Variants in AP3B1 observed in about 807,000 individuals in gnomAD.
The protein encoded by AP3B1 is AP-3 complex subunit beta-1.
AP3B1 carries 61 observed loss-of-function variants against 132.5 expected under a neutral mutation model. That is an observed-to-expected ratio of 0.46 (90% CI 0.37 to 0.57). The LOEUF (loss-of-function observed/expected upper bound fraction) is 0.57, where lower values mean the gene tolerates loss of function less well. AP3B1 is among the 20% of genes least tolerant of loss of function. The pLI, the probability that AP3B1 is intolerant of heterozygous loss-of-function variation, is 0.00. For synonymous variants in AP3B1, 388 were observed against 438.3 expected (o/e 0.89, Z 1.43); for missense variants, 1,120 against 1,289.4 (o/e 0.87, Z 2.01).
chr5:78,003,539 T>C (rs1382673943), intron 26 of AP3B1: 7 of 483,576 alleles, frequency 1.4e-5, no homozygotes, highest in Non-Finnish European at 1.9e-5. Context: ...ACGTACATTA[T>C]AAAATTCTTA....
chr5:78,072,791 C>T (rs969757405), intron 22 of AP3B1, among the ~76,000 whole-genome samples: 14 of 138,384 alleles, frequency 1.0e-4, no homozygotes, highest in East Asian at 4.5e-4. Context: ...GTGCAATCTC[C>T]GCTCATTGCA....
At chr5:78,176,296 G>A (rs2112403056) in intron 9 of AP3B1, among the ~76,000 whole-genome samples, 1 of 151,316 alleles carries the variant, frequency 6.6e-6, no homozygotes, top group African/African-American at 2.4e-5. Flanking sequence ...GGCTTCATGT[G>A]AAAGACCAAT....
chr5:78,259,209 C>A (rs1376660483), intron 2 of AP3B1, among the ~76,000 whole-genome samples: 1 of 150,358 alleles, frequency 6.7e-6, no homozygotes, highest in Admixed American at 6.7e-5. Flanking sequence ...GATCGTGCCA[C>A]TGCACTCCAG....
At chr5:78,143,599 T>C (rs1158151974) in intron 14 of AP3B1, among the ~76,000 whole-genome samples, 1 of 152,152 alleles carries the variant, frequency 6.6e-6, no homozygotes, top group Non-Finnish European at 1.5e-5. Context: ...GATTCCAGCT[T>C]TCCCTTTCTC....
chr5:78,139,018 C>T lies in AP3B1; in HGVS notation c.1650+2125G>A, dbSNP rs1470303202. Among the ~76,000 whole-genome samples the T allele has an allele frequency of 3.6e-5, 5 of 140,388 alleles. No homozygotes were observed. The East Asian group carries it at 1.0e-3, about 28-fold the overall frequency. The allele number at this position is 140,388 out of a possible 152,430, so 92.1% of individuals were successfully genotyped here. On this transcript the variant is annotated intron_variant, in intron 15 of 26. Transcript: ENST00000255194. ...CTTCAGAAACTGAGCTCCAAAACTG[C>T]CATTAATAATAGAGATCAAGAAAAA...
chr5:78,191,508 C>T (rs564568913), intron 7 of AP3B1, among the ~76,000 whole-genome samples: 2 of 152,090 alleles, frequency 1.3e-5, no homozygotes, highest in African/African-American at 4.8e-5. Context: ...GCTAACTCTC[C>T]TAGTCTTTGG....
chr5:78,196,660 C>T (rs1029774890), intron 7 of AP3B1, among the ~76,000 whole-genome samples: 11 of 152,080 alleles, frequency 7.2e-5, no homozygotes, highest in African/African-American at 2.7e-4. Context: ...GTGGTATATC[C>T]AGACAAAGGA....
intron 3 of AP3B1, among the ~76,000 whole-genome samples, chr5:78,231,162 GTTTT>G (rs924365215): frequency 1.3e-5 from 2 of 152,006 alleles, no homozygotes; most frequent in East Asian, 1.9e-4. Flanking sequence ...CTTGAAAAAG[GTTTT>G]TTGTTTGTTT....
intron 22 of AP3B1, among the ~76,000 whole-genome samples, chr5:78,080,623 A>ATTTTTT (rs66609184): frequency 9.7e-6 from 1 of 103,548 alleles, no homozygotes; most frequent in Non-Finnish European, 1.9e-5. Context: ...TATGCCTCCA[A>ATTTTTT]TTTTTTTTTT....
At chr5:78,109,528 G>A (rs1306837317) in intron 20 of AP3B1, among the ~76,000 whole-genome samples, 1 of 152,022 alleles carries the variant, frequency 6.6e-6, no homozygotes, top group East Asian at 1.9e-4. Context: ...GCATGAACAT[G>A]GTCCAGTTAT....
chr5:78,087,595 T>C, intron 22 of AP3B1: 1 of 985,422 alleles, frequency 1.0e-6, no homozygotes, highest in Non-Finnish European at 1.2e-6. Flanking sequence ...GTGAGTGTTG[T>C]GGTCCTGCTT....
chr5:78,048,605 C>T (rs752330050), intron 22 of AP3B1, among the ~76,000 whole-genome samples: 79 of 152,188 alleles, frequency 5.2e-4, no homozygotes, highest in Non-Finnish European at 1.5e-4. Context: ...TCTGTGGCCA[C>T]ATTTCCTGCC....
intron 17 of AP3B1, among the ~76,000 whole-genome samples, chr5:78,119,575 G>A (rs1364062863): frequency 1.3e-5 from 2 of 152,218 alleles, no homozygotes; most frequent in Non-Finnish European, 2.9e-5. Context: ...CGATCAACTG[G>A]AAGAAAGGGT....
intron 17 of AP3B1, among the ~76,000 whole-genome samples, chr5:78,117,024 G>A (rs1314433887): frequency 3.9e-5 from 6 of 151,908 alleles, no homozygotes; most frequent in Non-Finnish European, 7.4e-5. Context: ...AACTGTCCCC[G>A]TCGCCTGCCT....
intron 12 of AP3B1, among the ~76,000 whole-genome samples, chr5:78,163,638 TAC>T (rs755926785): frequency 2.7e-5 from 4 of 146,040 alleles, no homozygotes; most frequent in Non-Finnish European, 6.0e-5. Flanking sequence ...ATATATAGTA[TAC>T]ATATATATAT....
chr5:78,280,686 C>A (rs978128692), intron 1 of AP3B1, among the ~76,000 whole-genome samples: 3 of 92,272 alleles, frequency 3.3e-5, no homozygotes, highest in Admixed American at 9.8e-5. Context: ...TTTAAAAAAA[C>A]AACAACAACA....
intron 2 of AP3B1, among the ~76,000 whole-genome samples, chr5:78,259,663 T>C (rs1747998557): frequency 6.6e-6 from 1 of 152,024 alleles, no homozygotes; most frequent in Non-Finnish European, 1.5e-5. Flanking sequence ...ATGTGCCCAC[T>C]AAAATTAAAA....
intron 17 of AP3B1, among the ~76,000 whole-genome samples, chr5:78,120,038 A>G (rs1199943653): frequency 6.6e-6 from 1 of 152,182 alleles, no homozygotes; most frequent in Non-Finnish European, 1.5e-5. Context: ...CCAATATTCC[A>G]CATGCTTAAA....
intron 3 of AP3B1, among the ~76,000 whole-genome samples, chr5:78,237,689 T>A (rs1400596561): frequency 6.6e-6 from 1 of 152,088 alleles, no homozygotes; most frequent in African/African-American, 2.4e-5. Flanking sequence ...GACACAAGCC[T>A]GTAATCCCAG....
Sources: gnomAD v4.1 joint callset for allele counts (sites outside exome capture counted in the v4.1 genomes callset) on GRCh38, gnomAD v4.1.1 for gene constraint, MANE v1.5 for transcripts, NCBI Gene and HGNC (gene_info 2026-07-23, HGNC 2026-07-21) for gene names.